The following BRIP1 variants were observed in gnomAD, a reference collection of about 807,000 sequenced individuals.
BRIP1 encodes BRCA1 interacting DNA helicase 1.
In BRIP1, 88 loss-of-function variants were observed where a neutral mutation model predicts 119.7. The observed-to-expected ratio is 0.74, with a 90% CI of 0.62 to 0.88. BRIP1 has a LOEUF of 0.88. BRIP1 is among the 40% of genes least tolerant of loss of function. The pLI, the probability that BRIP1 is intolerant of heterozygous loss-of-function variation, is 0.00. For missense variants in BRIP1, 1,259 were observed against 1,455.4 expected (o/e 0.87, Z 2.20); for synonymous variants, 443 against 496.5 (o/e 0.89, Z 1.43).
intron 6 of BRIP1, among the ~76,000 whole-genome samples, chr17:61,819,117 C>G (rs1030284319): frequency 2.0e-5 from 3 of 149,438 alleles, no homozygotes; most frequent in Non-Finnish European, 4.4e-5. Flanking sequence ...ACCCGGGAGG[C>G]AGAAGTTGCA....
In BRIP1 at chr17:61,853,448, G is replaced by T. The variant is rs941969673; in HGVS notation, c.379+3610C>A. Among the ~76,000 whole-genome samples the T allele has an allele frequency of 1.3e-5, 2 of 151,876 alleles. No homozygotes were observed. The highest frequency in any genetic ancestry group is 2.4e-5 in the African/African-American group (1 of 41,322). On this transcript the variant is annotated intron_variant, in intron 4 of 19. Coordinates refer to ENST00000259008, the MANE Select transcript of BRIP1 (RefSeq NM_032043.3). This position sits in a 1 kb window ranked among gnomAD's most constrained non-coding sequence, Gnocchi z 4.3. ...AAAATTCATCAAGTTATATACTTAG[G>T]ATTTGCATTTTTCTATATTTAGGTT...
chr17:61,729,140 G>A lies in BRIP1; in HGVS notation c.2380-13077C>T, dbSNP rs1293023218. On this transcript the variant is annotated intron_variant, in intron 16 of 19. Coordinates refer to ENST00000259008, the MANE Select transcript of BRIP1 (RefSeq NM_032043.3). This position sits in a 1 kb window ranked among gnomAD's most constrained non-coding sequence, Gnocchi z 5.6. ...TACTAAAAATACAAATTAGCTGGGC[G>A]TGGTGGCGCATGCCTGTAATCCCAG... Among the ~76,000 whole-genome samples, 4 of 151,890 alleles carry A rather than the reference G, an allele frequency of 2.6e-5. No individual in the cohort carries two copies. The highest frequency in any genetic ancestry group is 4.4e-5 in the Non-Finnish European group (3 of 67,980).
rs1032038901 is a variant in BRIP1, at chr17:61,786,722, T to C, written c.1474-2298A>G. Among the ~76,000 whole-genome samples, 6 of 140,558 alleles carry C rather than the reference T, an allele frequency of 4.3e-5. No homozygotes were observed. In the East Asian group the frequency reaches 1.2e-3, roughly 28 times the overall value. The allele number at this position is 140,558 out of a possible 152,430, so 92.2% of individuals were successfully genotyped here. A position where few individuals can be genotyped will look rare whatever the true frequency, so the allele number is the denominator to read the frequency against. On this transcript the variant is annotated intron_variant, in intron 10 of 19. Coordinates refer to ENST00000259008, the MANE Select transcript of BRIP1 (RefSeq NM_032043.3). ...ATTCACATGCTTACAATTTACCTTT[T>C]TAAAGTGAGTTCTGTGGGTTATTTC...
Position 61,804,480 on chromosome 17 carries a change from A to G in BRIP1, c.919-3006T>C, listed in dbSNP as rs557901598. Among the ~76,000 whole-genome samples the G allele has an allele frequency of 4.0e-3, 606 of 151,230 alleles. 1 individual carries two copies. Among genetic ancestry groups the G allele is most frequent in the Non-Finnish European group, 7.6e-3 (518 of 67,748 alleles). On this transcript the variant is annotated intron_variant, in intron 7 of 19. Coordinates refer to ENST00000259008, the MANE Select transcript of BRIP1 (RefSeq NM_032043.3). The surrounding 1 kb of genome is among the most constrained non-coding windows in gnomAD (Gnocchi z 4.5). ...TGTACATACACATACATATATACATATGGGTTCAAGCACTTCTCATGCCTC... is the reference window on the plus strand; with the variant it reads ...TGTACATACACATACATATATACATGTGGGTTCAAGCACTTCTCATGCCTC...
At position 61,789,467 on chromosome 17, in the gene BRIP1, A is replaced by G. The variant is rs1256619011; in HGVS notation, c.1473+4130T>C. Reference sequence around the variant, plus strand: ...CAAAATGAATCCAAGGCTTTGTAAAAGTATTTATAAATCCCATCCTTTATA... The same window carrying G: ...CAAAATGAATCCAAGGCTTTGTAAAGGTATTTATAAATCCCATCCTTTATA... On this transcript the variant is annotated intron_variant, in intron 10 of 19. Transcript: ENST00000259008. This position sits in a 1 kb window ranked among gnomAD's most constrained non-coding sequence, Gnocchi z 4.8. Among the ~76,000 whole-genome samples, 1 of 152,138 alleles carries G rather than the reference A, an allele frequency of 6.6e-6. No individual in the cohort carries two copies. Among genetic ancestry groups the G allele is most frequent in the Non-Finnish European group, 1.5e-5 (1 of 68,016 alleles).
chr17:61,760,877 A>G lies in BRIP1; in HGVS notation c.2097+15524T>C, dbSNP rs1041594569. Among the ~76,000 whole-genome samples the G allele has an allele frequency of 2.0e-5, 3 of 152,076 alleles. No homozygotes were observed. In the South Asian group the frequency reaches 6.2e-4, roughly 31 times the overall value. ...AATGCTTTCAAAGAAGTTGAAAAGG[A>G]GGATATACTTCTAAATTCTTTTTAC... On this transcript the variant is annotated intron_variant, in intron 14 of 19. Coordinates refer to ENST00000259008, the MANE Select transcript of BRIP1 (RefSeq NM_032043.3). The surrounding 1 kb of genome is among the most constrained non-coding windows in gnomAD (Gnocchi z 4.6).
At position 61,841,481 on chromosome 17, in the gene BRIP1, T is replaced by A. The variant is rs1204301650; in HGVS notation, c.627+5620A>T. On this transcript the variant is annotated intron_variant, in intron 6 of 19. Coordinates refer to ENST00000259008, the MANE Select transcript of BRIP1 (RefSeq NM_032043.3). This position sits in a 1 kb window ranked among gnomAD's most constrained non-coding sequence, Gnocchi z 4.1. ...TCACTAATCATCAGGGAAATATAAA[T>A]CAAAAGCACAATAAGATATCATCTC... Among the ~76,000 whole-genome samples the A allele has an allele frequency of 1.3e-5, 2 of 151,490 alleles. No homozygotes were observed. Among genetic ancestry groups the A allele is most frequent in the East Asian group, 3.9e-4 (2 of 5,160 alleles).
At chr17:61,764,973 G>A (rs1452594804) in intron 14 of BRIP1, among the ~76,000 whole-genome samples, 2 of 151,862 alleles carry the variant, frequency 1.3e-5, no homozygotes, top group Non-Finnish European at 2.9e-5. Flanking sequence ...GGCCAGAAAG[G>A]TTCTGTCCTC....
rs184257481 is a variant in BRIP1, at chr17:61,824,768, G to A, written c.628-16011C>T. On this transcript the variant is annotated intron_variant, in intron 6 of 19. Coordinates refer to ENST00000259008, the MANE Select transcript of BRIP1 (RefSeq NM_032043.3). This position sits in a 1 kb window ranked among gnomAD's most constrained non-coding sequence, Gnocchi z 4.3. The stretch of plus-strand genomic sequence containing the variant: ...AATTGGACTCATGAAAATTAAAAAC[G>A]TTTATGTATCATAGACCACCATCAA... Among the ~76,000 whole-genome samples the A allele has an allele frequency of 4.5e-4, 69 of 152,196 alleles. 2 individuals carry two copies. In the East Asian group the frequency reaches 9.6e-3, roughly 21 times the overall value.
chr17:61,784,713 G>A (rs1027055640), intron 10 of BRIP1, among the ~76,000 whole-genome samples: 1 of 152,088 alleles, frequency 6.6e-6, no homozygotes, highest in Admixed American at 6.6e-5. Flanking sequence ...TAGTTCCCAC[G>A]AGAGCTGGTT....
rs1428647291 is a variant in BRIP1 at position 61,828,028 on chromosome 17, C to T, written c.627+19073G>A. Among the ~76,000 whole-genome samples, 1 of 152,140 alleles carries T rather than the reference C, an allele frequency of 6.6e-6. No homozygotes were observed. The highest frequency in any genetic ancestry group is 6.5e-5 in the Admixed American group (1 of 15,270). ...CCTCAAAAACTTAAATATAGAATTA[C>T]CATATGGTCCAGAAATTCCACTCTT... On this transcript the variant is annotated intron_variant, in intron 6 of 19. Coordinates refer to ENST00000259008, the MANE Select transcript of BRIP1 (RefSeq NM_032043.3). The surrounding 1 kb of genome is among the most constrained non-coding windows in gnomAD (Gnocchi z 4.1).
rs993993142 is a variant in BRIP1, at chr17:61,736,939, A to G, written c.2379+6074T>C. On this transcript the variant is annotated intron_variant, in intron 16 of 19. Coordinates refer to ENST00000259008, the MANE Select transcript of BRIP1 (RefSeq NM_032043.3). The surrounding 1 kb of genome is among the most constrained non-coding windows in gnomAD (Gnocchi z 4.4). Reference sequence around the variant, plus strand: ...TTTCCCTATATTATTTAAAAGGCAAATGCATAAAAACAATAATTAAAAACT... The same window carrying G: ...TTTCCCTATATTATTTAAAAGGCAAGTGCATAAAAACAATAATTAAAAACT... 6.6e-6 allele frequency among the ~76,000 whole-genome samples: 1 copy of G among 152,178 alleles called. No homozygotes were observed. The highest frequency in any genetic ancestry group is 6.5e-5 in the Admixed American group (1 of 15,272).
intron 8 of BRIP1, among the ~76,000 whole-genome samples, chr17:61,800,677 C>T (rs541209134): frequency 6.6e-6 from 1 of 152,080 alleles, no homozygotes; most frequent in South Asian, 2.1e-4. Context: ...TAAGAGATAA[C>T]CAAATAAGAG....
At position 61,706,290 on chromosome 17, in the gene BRIP1, T is replaced by C. The variant is rs2061689544; in HGVS notation, c.2492+9661A>G. ...TTAATCTACCTGCTAGTGTTGACTT[T>C]TCAGAGTTCTCAAACAGCTACTCCA... On this transcript the variant is annotated intron_variant, in intron 17 of 19. Transcript: ENST00000259008. The surrounding 1 kb of genome is among the most constrained non-coding windows in gnomAD (Gnocchi z 5.7). 6.6e-6 allele frequency among the ~76,000 whole-genome samples: 1 copy of C among 152,164 alleles called. No homozygotes were observed. The highest frequency in any genetic ancestry group is 2.4e-5 in the African/African-American group (1 of 41,458).
chr17:61,801,160 G>T, intron 8 of BRIP1, 93 bp downstream of exon 8: 1 of 865,570 alleles, frequency 1.2e-6, no homozygotes, highest in Non-Finnish European at 1.7e-6. Flanking sequence ...ATAAATTAAA[G>T]CAAAAAAAAT....
intron 6 of BRIP1, among the ~76,000 whole-genome samples, chr17:61,838,407 G>C (rs1388009874): frequency 6.6e-6 from 1 of 151,816 alleles, no homozygotes; most frequent in Non-Finnish European, 1.5e-5. Flanking sequence ...TTAGCTGGGT[G>C]TGGTGACGGG....
intron 16 of BRIP1, among the ~76,000 whole-genome samples, chr17:61,716,320 A>G (rs1007270769): frequency 5.3e-5 from 8 of 152,008 alleles, no homozygotes; most frequent in African/African-American, 1.9e-4. Context: ...AATCCACACA[A>G]TTTTCAGTGT....
chr17:61,753,847 G>GACTCAAGC lies in BRIP1; in HGVS notation c.2098-9264_2098-9257dup, dbSNP rs2077166510. ...TGCCAAGGCTGGTCTCAAACTCCTGGACTCAAGCACTCCTCCACCTTGGCT... is the reference window on the plus strand; with the variant it reads ...TGCCAAGGCTGGTCTCAAACTCCTGGACTCAAGCACTCAAGCACTCCTCCACCTTGGCT... On this transcript the variant is annotated intron_variant, in intron 14 of 19. Coordinates refer to ENST00000259008, the MANE Select transcript of BRIP1 (RefSeq NM_032043.3). This position sits in a 1 kb window ranked among gnomAD's most constrained non-coding sequence, Gnocchi z 4.6. Among the ~76,000 whole-genome samples the GACTCAAGC allele has an allele frequency of 6.6e-6, 1 of 152,034 alleles. No individual in the cohort carries two copies. The highest frequency in any genetic ancestry group is 1.5e-5 in the Non-Finnish European group (1 of 68,006).
At chr17:61,719,188 T>A (rs1399273598) in intron 16 of BRIP1, among the ~76,000 whole-genome samples, 3 of 134,178 alleles carry the variant, frequency 2.2e-5, no homozygotes, top group Non-Finnish European at 4.8e-5. Flanking sequence ...CCCCCCCCCA[T>A]GTTTATTGCA....
Sources: allele counts gnomAD v4.1 joint callset (sites outside exome capture counted in the v4.1 genomes callset), GRCh38; gene constraint gnomAD v4.1.1; non-coding constraint Gnocchi (gnomAD v3.1); transcripts MANE v1.5; gene names NCBI Gene and HGNC (gene_info 2026-07-23, HGNC 2026-07-21).